Variants in ATXN10 observed in about 807,000 individuals in gnomAD.
The protein encoded by ATXN10 is ataxin-10.
Under a neutral mutation model 52.9 loss-of-function variants are expected in ATXN10, and 28 were observed. The observed-to-expected ratio is 0.53, with a 90% confidence interval of 0.39 to 0.73. The LOEUF is 0.73. ATXN10 is among the 30% of genes least tolerant of loss of function. The pLI is 0.00. For missense variants in ATXN10, 565 were observed against 577.0 expected, an observed-to-expected ratio of 0.98 and a Z score of 0.21; for synonymous variants, 226 against 221.5, an observed-to-expected ratio of 1.02 and a Z score of -0.18.
At position 45,784,568 on chromosome 22, in the gene ATXN10, C is replaced by A. The variant is rs1927259182; in HGVS notation, c.1174-22391C>A. Among the ~76,000 whole-genome samples, 1 of 152,138 alleles carries A rather than the reference C, an allele frequency of 6.6e-6. No homozygotes were observed. The highest frequency in any genetic ancestry group is 2.1e-4 in the South Asian group (1 of 4,828). On this transcript the variant is annotated intron_variant, in intron 9 of 11. Coordinates refer to ENST00000252934, the MANE Select transcript of ATXN10 (RefSeq NM_013236.4). The surrounding 1 kb of genome is among the most constrained non-coding windows in gnomAD (Gnocchi z 4.2). Reference sequence around the variant, plus strand: ...GCCTTGGAGGTCTGTGCTAGGCTGTCAGGAGGTGTGGATGGCAGGCACGGG... The same window carrying A: ...GCCTTGGAGGTCTGTGCTAGGCTGTAAGGAGGTGTGGATGGCAGGCACGGG...
chr22:45,723,720 T>C (rs1189520054), intron 6 of ATXN10, among the ~76,000 whole-genome samples: 3 of 151,508 alleles, frequency 2.0e-5, no homozygotes, highest in Non-Finnish European at 4.4e-5. Context: ...CTTTGGGAGG[T>C]GGAGGAAGTC....
chr22:45,731,013 A>T (rs1243062133), intron 7 of ATXN10, among the ~76,000 whole-genome samples: 1 of 152,212 alleles, frequency 6.6e-6, no homozygotes, highest in African/African-American at 2.4e-5. Context: ...CCTACCTTAG[A>T]TCATTCAGGT....
Position 45,696,639 on chromosome 22 carries a change from C to T in ATXN10, c.391+3561C>T, listed in dbSNP as rs1360667685. On this transcript the variant is annotated intron_variant, in intron 3 of 11. Coordinates refer to ENST00000252934, the MANE Select transcript of ATXN10 (RefSeq NM_013236.4). The surrounding 1 kb of genome is among the most constrained non-coding windows in gnomAD (Gnocchi z 4.7). ...ATCATTTTCATCAGCAAGTAATATGCCCTCCCATTTTTCATTTAAAAATAT... is the reference window on the plus strand; with the variant it reads ...ATCATTTTCATCAGCAAGTAATATGTCCTCCCATTTTTCATTTAAAAATAT... 6.6e-6 allele frequency among the ~76,000 whole-genome samples: 1 copy of T among 152,172 alleles called. No homozygotes were observed. The highest frequency in any genetic ancestry group is 2.4e-5 in the African/African-American group (1 of 41,438).
At chr22:45,724,088 T>C (rs945296338) in intron 6 of ATXN10, among the ~76,000 whole-genome samples, 4 of 152,142 alleles carry the variant, frequency 2.6e-5, no homozygotes, top group Non-Finnish European at 5.9e-5. Flanking sequence ...ATTCCTCAGT[T>C]GATGGGTACT....
chr22:45,797,366 T>C (rs1052385235), intron 9 of ATXN10, among the ~76,000 whole-genome samples: 18 of 152,216 alleles, frequency 1.2e-4, no homozygotes, highest in African/African-American at 4.3e-4. Context: ...TAGACTATAT[T>C]CTGTCTCTAC....
rs1928012783 is a variant in ATXN10 at position 45,803,894 on chromosome 22, A to G, written c.1174-3065A>G. On this transcript the variant is annotated intron_variant, in intron 9 of 11. Transcript: ENST00000252934. The stretch of plus-strand genomic sequence containing the variant: ...AACTCTCTCTGTGCTTCTCAAACAC[A>G]TGATCCCCCCTCCAAGACCCACTCT... Among the ~76,000 whole-genome samples, 3 of 152,170 alleles carry G rather than the reference A, an allele frequency of 2.0e-5. No homozygotes were observed. In the South Asian group the frequency reaches 6.2e-4, roughly 32 times the overall value.
chr22:45,801,056 A>G (rs1927916447), intron 9 of ATXN10, among the ~76,000 whole-genome samples: 1 of 152,210 alleles, frequency 6.6e-6, no homozygotes, highest in South Asian at 2.1e-4. Flanking sequence ...CGAAGCACCA[A>G]AGGGGATAGT....
At chr22:45,804,238 A>G (rs1928025703) in intron 9 of ATXN10, among the ~76,000 whole-genome samples, 1 of 152,132 alleles carries the variant, frequency 6.6e-6, no homozygotes, top group Non-Finnish European at 1.5e-5. Flanking sequence ...CAGGAAGGGG[A>G]CTTCTGAGCC....
intron 9 of ATXN10, among the ~76,000 whole-genome samples, chr22:45,746,611 C>T (rs957169301): frequency 6.6e-6 from 1 of 152,134 alleles, no homozygotes; most frequent in Non-Finnish European, 1.5e-5. Context: ...GGTGCTCAGG[C>T]AGGGCCAGCT....
chr22:45,761,676 A>C (rs146322358), intron 9 of ATXN10, among the ~76,000 whole-genome samples: 11 of 152,304 alleles, frequency 7.2e-5, no homozygotes, highest in African/African-American at 1.2e-4. Context: ...TTTTTTTATC[A>C]TACACTTCTT....
At chr22:45,799,535 CAG>C (rs1291999289) in intron 9 of ATXN10, among the ~76,000 whole-genome samples, 1 of 152,092 alleles carries the variant, frequency 6.6e-6, no homozygotes, top group Non-Finnish European at 1.5e-5. Flanking sequence ...AAAATACAGA[CAG>C]AGATCTAAAA....
chr22:45,723,450 T>G (rs1447776738), intron 6 of ATXN10, among the ~76,000 whole-genome samples: 1 of 152,062 alleles, frequency 6.6e-6, no homozygotes, highest in Non-Finnish European at 1.5e-5. Flanking sequence ...AGTGGTGAAG[T>G]CGGCGATTTT....
chr22:45,776,290 T>C (rs1413060299), intron 9 of ATXN10, among the ~76,000 whole-genome samples: 2 of 152,202 alleles, frequency 1.3e-5, no homozygotes, highest in African/African-American at 4.8e-5. Flanking sequence ...ACCAATCTTT[T>C]GATAGCACTT....
chr22:45,786,535 C>T lies in ATXN10; in HGVS notation c.1174-20424C>T, dbSNP rs908764865. ...TCACCCTTCCTGCCAGGGCATTGCT[C>T]CCTGGTCGGAAGGATTGTTGGTTCT... On this transcript the variant is annotated intron_variant, in intron 9 of 11. Transcript: ENST00000252934. The surrounding 1 kb of genome is among the most constrained non-coding windows in gnomAD (Gnocchi z 4.1). 6.6e-5 allele frequency among the ~76,000 whole-genome samples: 10 copies of T among 152,184 alleles called. No individual in the cohort carries two copies. Among genetic ancestry groups the T allele is most frequent in the Non-Finnish European group, 5.9e-5 (4 of 68,038 alleles).
At chr22:45,749,839 T>G (rs145444861) in intron 9 of ATXN10, among the ~76,000 whole-genome samples, 2 of 152,250 alleles carry the variant, frequency 1.3e-5, no homozygotes, top group Non-Finnish European at 2.9e-5. Context: ...GTGCTCGGAT[T>G]ACAGGTTTGA....
rs1201336698 is a variant in ATXN10 at position 45,684,882 on chromosome 22, A to G, written c.117-4830A>G. ...TTTCTGTTTTTGTTCAATCCTGCCC[A>G]GTCAAATCAGCAAGATTATGGTTTT... On this transcript the variant is annotated intron_variant, in intron 1 of 11. Coordinates refer to ENST00000252934, the MANE Select transcript of ATXN10 (RefSeq NM_013236.4). This position sits in a 1 kb window ranked among gnomAD's most constrained non-coding sequence, Gnocchi z 4.1. Among the ~76,000 whole-genome samples the G allele has an allele frequency of 6.6e-6, 1 of 152,234 alleles. No individual in the cohort carries two copies. The highest frequency in any genetic ancestry group is 1.5e-5 in the Non-Finnish European group (1 of 68,046).
chr22:45,724,881 GT>G (rs1924806607), intron 6 of ATXN10, among the ~76,000 whole-genome samples: 1 of 152,050 alleles, frequency 6.6e-6, no homozygotes, highest in Non-Finnish European at 1.5e-5. Flanking sequence ...TGGCTATCCA[GT>G]TTTCCCAGAA....
intron 10 of ATXN10, among the ~76,000 whole-genome samples, chr22:45,832,509 C>G (rs1929027157): frequency 6.6e-6 from 1 of 152,354 alleles, no homozygotes; most frequent in Admixed American, 6.5e-5. Context: ...TCTGTCACCC[C>G]TTTCAGACTT....
Position 45,772,451 on chromosome 22 carries a change from A to G in ATXN10, c.1173+31913A>G, listed in dbSNP as rs551103967. On this transcript the variant is annotated intron_variant, in intron 9 of 11. Transcript: ENST00000252934. This position sits in a 1 kb window ranked among gnomAD's most constrained non-coding sequence, Gnocchi z 4.1. ...CGATATTTGTGCCTGTCTCTTCACCATTACAACATTGTCTTTATTACTGTC... is the reference window on the plus strand; with the variant it reads ...CGATATTTGTGCCTGTCTCTTCACCGTTACAACATTGTCTTTATTACTGTC... Among the ~76,000 whole-genome samples, 6 of 152,356 alleles carry G rather than the reference A, an allele frequency of 3.9e-5. No individual in the cohort carries two copies. The South Asian group carries it at 1.2e-3, about 32-fold the overall frequency.
Sources: gnomAD v4.1 joint callset for allele counts (sites outside exome capture counted in the v4.1 genomes callset) on GRCh38, gnomAD v4.1.1 for gene constraint, Gnocchi (gnomAD v3.1) non-coding constraint, MANE v1.5 for transcripts, NCBI Gene and HGNC (gene_info 2026-07-23, HGNC 2026-07-21) for gene names.